The following ADAMTS6 variants were observed in gnomAD, a reference collection of about 807,000 sequenced individuals.
ADAMTS6 encodes ADAM metallopeptidase with thrombospondin type 1 motif 6.
Under a neutral mutation model 144.3 loss-of-function variants are expected in ADAMTS6, and 23 were observed. The observed-to-expected ratio is 0.16, with a 90% CI of 0.11 to 0.23. The LOEUF (loss-of-function observed/expected upper bound fraction) is 0.23. ADAMTS6 is among the 10% of genes least tolerant of loss of function. ADAMTS6 has a pLI of 1.00. For missense variants in ADAMTS6, 999 were observed against 1,379.6 expected (o/e 0.72, Z 4.37); for synonymous variants, 444 against 457.5 (o/e 0.97, Z 0.38).
At chr5:65,381,840 A>C (rs1752076082) in intron 7 of ADAMTS6, among the ~76,000 whole-genome samples, 1 of 152,182 alleles carries the variant, frequency 6.6e-6, no homozygotes, top group South Asian at 2.1e-4. Flanking sequence ...TGATATCTTT[A>C]ACAATAGTTT....
At chr5:65,262,233 G>A (rs1761263459) in intron 13 of ADAMTS6, among the ~76,000 whole-genome samples, 1 of 152,196 alleles carries the variant, frequency 6.6e-6, no homozygotes, top group Non-Finnish European at 1.5e-5. Flanking sequence ...TGGTGGAAGA[G>A]GTGCAGTCTG....
chr5:65,150,342 A>C lies in ADAMTS6; in HGVS notation c.*1494T>G, dbSNP rs1752086571. The C allele has an allele frequency of 6.6e-6, 1 of 152,574 alleles. No homozygotes were observed. Among genetic ancestry groups the C allele is most frequent in the African/African-American group, 2.4e-5 (1 of 41,398 alleles). 9.5% of individuals were successfully genotyped at this position (152,574 alleles called of 1,614,324 possible). A position where few individuals can be genotyped will look rare whatever the true frequency, so the allele number is the denominator to read the frequency against. On this transcript the variant is annotated 3_prime_UTR_variant, in exon 25 of 25. Transcript: ENST00000381055. ...TGCAAGCTACACGTGTTCAAGTAAAAAATATTAATATAAACAAGTACCCTT... is the reference window on the plus strand; with the variant it reads ...TGCAAGCTACACGTGTTCAAGTAAACAATATTAATATAAACAAGTACCCTT...
intron 7 of ADAMTS6, among the ~76,000 whole-genome samples, chr5:65,343,069 A>G (rs1227261640): frequency 1.3e-5 from 2 of 152,008 alleles, no homozygotes; most frequent in South Asian, 2.1e-4. Context: ...CAATGGAAAG[A>G]TATCCCATGG....
intron 18 of ADAMTS6, among the ~76,000 whole-genome samples, chr5:65,223,600 G>A (rs564758661): frequency 1.3e-5 from 2 of 152,194 alleles, no homozygotes; most frequent in East Asian, 3.9e-4. Context: ...TTAGCATGAC[G>A]TTCTCCAGGT....
intron 7 of ADAMTS6, among the ~76,000 whole-genome samples, chr5:65,334,426 T>C (rs1747114109): frequency 6.6e-6 from 1 of 152,174 alleles, no homozygotes; most frequent in Non-Finnish European, 1.5e-5. Flanking sequence ...AAAACGCAAA[T>C]AGGTGGCTTC....
At position 65,173,014 on chromosome 5, in the gene ADAMTS6, A is replaced by T. The variant is rs1753730429; in HGVS notation, c.2911-6T>A. The T allele has an allele frequency of 5.0e-6, 8 of 1,610,248 alleles. No individual in the cohort carries two copies. The African/African-American group carries it at 8.0e-5, about 16-fold the overall frequency. ...GGACCACATTTTGGAGTACACTGGA[A>T]ATAAAACAAATAGTAATGAATCACG... On this transcript the variant is annotated splice_polypyrimidine_tract_variant and splice_region_variant and intron_variant, in intron 22 of 24. Transcript: ENST00000381055.
chr5:65,362,416 CA>C (rs1749916501), intron 7 of ADAMTS6, among the ~76,000 whole-genome samples: 1 of 152,134 alleles, frequency 6.6e-6, no homozygotes, highest in African/African-American at 2.4e-5. Context: ...ACAATCTAAT[CA>C]AAAATCATTT....
chr5:65,459,923 A>AT (rs1477000837), intron 4 of ADAMTS6, among the ~76,000 whole-genome samples: 1 of 152,124 alleles, frequency 6.6e-6, no homozygotes, highest in South Asian at 2.1e-4. Flanking sequence ...TAAAATGGTT[A>AT]TTTTTTTCCC....
chr5:65,176,244 C>G (rs1311209678), intron 22 of ADAMTS6, among the ~76,000 whole-genome samples: 1 of 151,356 alleles, frequency 6.6e-6, no homozygotes, highest in Non-Finnish European at 1.5e-5. Context: ...TGAGGCATGT[C>G]GAAAAATTGT....
At chr5:65,179,956 G>GCA (rs567959273) in intron 22 of ADAMTS6, among the ~76,000 whole-genome samples, 4,051 of 142,336 alleles carry the variant, frequency 0.028, 174 homozygotes, top group African/African-American at 0.11. Context: ...GTGCACGCAC[G>GCA]CGCACACACA....
intron 7 of ADAMTS6, among the ~76,000 whole-genome samples, chr5:65,390,445 A>G (rs1293576492): frequency 6.6e-6 from 1 of 152,224 alleles, no homozygotes; most frequent in African/African-American, 2.4e-5. Context: ...ACAAAGCTTC[A>G]GGACAGAAGG....
chr5:65,180,776 C>A (rs113145048), intron 22 of ADAMTS6, among the ~76,000 whole-genome samples: 2,631 of 152,176 alleles, frequency 0.017, 30 homozygotes, highest in Middle Eastern at 0.048. Context: ...TGCTTAGTAC[C>A]CCACAGTAGT....
chr5:65,314,420 T>G (rs905350650), intron 9 of ADAMTS6, among the ~76,000 whole-genome samples: 2 of 152,006 alleles, frequency 1.3e-5, no homozygotes, highest in African/African-American at 4.8e-5. Context: ...GTGACTTCCA[T>G]GTACATGTAA....
chr5:65,382,837 T>A lies in ADAMTS6; in HGVS notation c.1074-48752A>T. 1.3e-5 allele frequency among the ~76,000 whole-genome samples: 2 copies of A among 152,240 alleles called. 1 individual carries two copies. The highest frequency in any genetic ancestry group is 4.8e-5 in the African/African-American group (2 of 41,472). ...GTATCTTAGTCCATTCAGTCTGCTA[T>A]AACAAAATACCTTAAACAGGGTAAT... On this transcript the variant is annotated intron_variant, in intron 7 of 24. Transcript: ENST00000381055.
At chr5:65,339,429 T>C (rs1003986613) in intron 7 of ADAMTS6, among the ~76,000 whole-genome samples, 17 of 139,980 alleles carry the variant, frequency 1.2e-4, no homozygotes, top group Admixed American at 5.8e-4. Flanking sequence ...GAAATCAATA[T>C]GGGAACATGT....
intron 12 of ADAMTS6, among the ~76,000 whole-genome samples, chr5:65,272,365 T>C (rs1762121029): frequency 6.6e-6 from 1 of 152,140 alleles, no homozygotes; most frequent in Non-Finnish European, 1.5e-5. Context: ...TGTTTTTCCT[T>C]TTTTTAGAGA....
chr5:65,318,127 G>C (rs552571495), intron 9 of ADAMTS6, among the ~76,000 whole-genome samples: 17 of 147,534 alleles, frequency 1.2e-4, no homozygotes, highest in Non-Finnish European at 2.1e-4. Context: ...CATACAAAAA[G>C]TTGTTCAATA....
At chr5:65,253,352 C>T (rs1760350791) in intron 14 of ADAMTS6, among the ~76,000 whole-genome samples, 1 of 152,148 alleles carries the variant, frequency 6.6e-6, no homozygotes, top group Non-Finnish European at 1.5e-5. Flanking sequence ...GAAAATTCTT[C>T]CAGGATCATT....
chr5:65,181,918 T>C (rs545029375), intron 22 of ADAMTS6, among the ~76,000 whole-genome samples: 1 of 152,330 alleles, frequency 6.6e-6, no homozygotes, highest in South Asian at 2.1e-4. Flanking sequence ...TGTATGCATA[T>C]TAAAGTCTGG....
Sources: gnomAD v4.1 joint callset for allele counts (sites outside exome capture counted in the v4.1 genomes callset) on GRCh38, gnomAD v4.1.1 for gene constraint, MANE v1.5 for transcripts, NCBI Gene and HGNC (gene_info 2026-07-23, HGNC 2026-07-21) for gene names.